Variants in FRK observed in about 807,000 individuals in gnomAD.
The protein encoded by FRK is tyrosine-protein kinase FRK.
Under a neutral mutation model 56.4 loss-of-function variants are expected in FRK, and 51 were observed. The observed-to-expected ratio is 0.90, with a 90% CI of 0.72 to 1.14. The LOEUF is 1.14. FRK is among the 50% of genes most tolerant of loss of function. The probability of loss-of-function intolerance (pLI) is 0.00; values close to 1 mark genes in which losing one functional copy is unlikely to be tolerated. For synonymous variants in FRK, 245 were observed against 217.9 expected (o/e 1.12, Z -1.10); for missense variants, 570 against 601.4 (o/e 0.95, Z 0.55).
the FRK span, among the ~76,000 whole-genome samples, chr6:116,093,821 CACTT>C: frequency 2.5e-3 from 386 of 152,332 alleles, 10 homozygotes; most frequent in South Asian, 0.044. Flanking sequence ...TCACCTGACT[CACTT>C]GAGGTTCAAT....
At chr6:116,006,589 G>C (rs541333413) in intron 1 of FRK, among the ~76,000 whole-genome samples, 1 of 152,256 alleles carries the variant, frequency 6.6e-6, no homozygotes, top group East Asian at 1.9e-4. Flanking sequence ...TGAAAATTTG[G>C]AAACAACCTA....
chr6:115,992,653 A>G (rs1262982682), intron 2 of FRK, among the ~76,000 whole-genome samples: 7 of 151,858 alleles, frequency 4.6e-5, no homozygotes. Context: ...CTATGTCTTG[A>G]GTACCTTGCT....
At chr6:116,028,551 G>C (rs1582731573) in intron 1 of FRK, among the ~76,000 whole-genome samples, 1 of 152,128 alleles carries the variant, frequency 6.6e-6, no homozygotes, top group South Asian at 2.1e-4. Flanking sequence ...GGGAAAATCT[G>C]TTCCATGGCT....
chr6:116,086,009 C>CT, the FRK span, among the ~76,000 whole-genome samples: 588 of 144,920 alleles, frequency 4.1e-3, no homozygotes, highest in Middle Eastern at 0.011. Flanking sequence ...GTCCAAATGA[C>CT]TTTTTTTTTT....
the FRK span, among the ~76,000 whole-genome samples, chr6:116,099,659 G>A: frequency 4.6e-5 from 7 of 151,992 alleles, no homozygotes. Flanking sequence ...TATTCAAATG[G>A]GTCTACTAGG....
At chr6:115,988,757 A>G (rs1286273152) in intron 2 of FRK, among the ~76,000 whole-genome samples, 1 of 152,042 alleles carries the variant, frequency 6.6e-6, no homozygotes. Context: ...TATTTTTTCA[A>G]TAACATATTT....
chr6:116,067,646 A>G, the FRK span, among the ~76,000 whole-genome samples: 7 of 152,234 alleles, frequency 4.6e-5, no homozygotes, highest in Admixed American at 4.6e-4. Flanking sequence ...AGATACAAAG[A>G]CACTGCTATT....
intron 1 of FRK, among the ~76,000 whole-genome samples, chr6:116,029,262 A>G (rs1196838079): frequency 6.6e-6 from 1 of 152,122 alleles, no homozygotes; most frequent in Non-Finnish European, 1.5e-5. Flanking sequence ...TATAGTCTAT[A>G]ACTTACTTCT....
chr6:116,095,612 G>T, the FRK span, among the ~76,000 whole-genome samples: 4 of 152,154 alleles, frequency 2.6e-5, no homozygotes, highest in African/African-American at 4.8e-5. Flanking sequence ...TACTTATAGG[G>T]TTAGAAATGG....
intron 1 of FRK, among the ~76,000 whole-genome samples, chr6:116,039,796 G>A (rs1357629657): frequency 1.3e-5 from 2 of 151,998 alleles, no homozygotes; most frequent in Non-Finnish European, 2.9e-5. Context: ...AATGAGGGAA[G>A]GAGAGAAACC....
rs1771986646 is a variant in FRK, at chr6:115,933,151, C to T, written c.*9263G>A. 1 of 152,040 alleles carries T rather than the reference C, an allele frequency of 6.6e-6. No homozygotes were observed. Among genetic ancestry groups the T allele is most frequent in the South Asian group, 2.1e-4 (1 of 4,820 alleles). 9.4% of individuals were successfully genotyped at this position (152,040 alleles called of 1,614,324 possible). On this transcript the variant is annotated 3_prime_UTR_variant, in exon 8 of 8. Coordinates refer to ENST00000606080, the MANE Select transcript of FRK (RefSeq NM_002031.3). ...AAAGAAAAAGAAAAACTTAATGGAA[C>T]ATTGAATTTTCTTTATTGCAAATTC...
chr6:115,987,643 T>C (rs959674437), intron 2 of FRK, among the ~76,000 whole-genome samples: 2 of 152,124 alleles, frequency 1.3e-5, no homozygotes, highest in African/African-American at 4.8e-5. Context: ...TTCATTTAGT[T>C]GGCATTACCC....
chr6:116,002,977 C>T (rs527948271), intron 2 of FRK, among the ~76,000 whole-genome samples: 1 of 152,288 alleles, frequency 6.6e-6, no homozygotes, highest in African/African-American at 2.4e-5. Flanking sequence ...GGCATCATGA[C>T]GGCTGCCCTG....
At chr6:115,943,778 C>A (rs988161107) in intron 6 of FRK, among the ~76,000 whole-genome samples, 1 of 152,142 alleles carries the variant, frequency 6.6e-6, no homozygotes, top group African/African-American at 2.4e-5. Context: ...AAGAGAAAAG[C>A]ACCTAATATT....
intron 2 of FRK, among the ~76,000 whole-genome samples, chr6:115,980,598 T>C (rs1199390439): frequency 6.6e-6 from 1 of 152,154 alleles, no homozygotes; most frequent in African/African-American, 2.4e-5. Context: ...CCAACTGTAA[T>C]AAAGTTATAC....
intron 1 of FRK, among the ~76,000 whole-genome samples, chr6:116,008,855 A>G (rs1775356298): frequency 6.6e-6 from 1 of 152,228 alleles, no homozygotes; most frequent in Non-Finnish European, 1.5e-5. Context: ...CATACGGATC[A>G]GTGATCCTCC....
intron 5 of FRK, among the ~76,000 whole-genome samples, chr6:115,955,679 T>C (rs1292407766): frequency 6.6e-6 from 1 of 152,188 alleles, no homozygotes; most frequent in African/African-American, 2.4e-5. Context: ...AATCTTTGTT[T>C]CATCATTCTC....
chr6:115,998,956 G>A (rs934601518), intron 2 of FRK, among the ~76,000 whole-genome samples: 7 of 152,098 alleles, frequency 4.6e-5, no homozygotes, highest in Admixed American at 1.3e-4. Context: ...AGGCTTTTAC[G>A]TGCAGAGTTG....
chr6:116,094,439 G>C, the FRK span, among the ~76,000 whole-genome samples: 1 of 152,218 alleles, frequency 6.6e-6, no homozygotes, highest in Admixed American at 6.5e-5. Flanking sequence ...AGGAATCCTG[G>C]GACGGCCTGT....
Sources: gnomAD v4.1 joint callset for allele counts (sites outside exome capture counted in the v4.1 genomes callset) on GRCh38, gnomAD v4.1.1 for gene constraint, MANE v1.5 for transcripts, NCBI Gene and HGNC (gene_info 2026-07-23, HGNC 2026-07-21) for gene names.